The following DCC variants were observed in gnomAD, a reference collection of about 807,000 sequenced individuals.
The protein encoded by DCC is netrin receptor DCC.
DCC carries 58 observed loss-of-function variants against 172.5 expected under a neutral mutation model. The ratio of observed to expected loss-of-function variants is 0.34; its 90% confidence interval spans 0.27 to 0.42. The LOEUF (loss-of-function observed/expected upper bound fraction) is 0.42. DCC is among the 10% of genes least tolerant of loss of function. DCC has a pLI of 1.00. For missense variants in DCC, 1,740 were observed against 1,791.0 expected (o/e 0.97, Z 0.51); for synonymous variants, 709 against 644.5 (o/e 1.10, Z -1.52).
chr18:53,336,440 A>G (rs1277258911), intron 14 of DCC, among the ~76,000 whole-genome samples: 1 of 152,224 alleles, frequency 6.6e-6, no homozygotes, highest in Non-Finnish European at 1.5e-5. Context: ...ATCATGGATT[A>G]TGAACAATCT....
chr18:52,476,260 T>C lies in DCC; in HGVS notation c.91+135382T>C, dbSNP rs142753910. On this transcript the variant is annotated intron_variant, in intron 1 of 28. Transcript: ENST00000442544. ...TTGTCTCTTTTCCCTTTTGTTCTTT[T>C]TCATTTCTGACAGAAACCATTTGAA... Among the ~76,000 whole-genome samples the C allele has an allele frequency of 9.4e-4, 143 of 152,312 alleles. 1 individual carries two copies. Among genetic ancestry groups the C allele is most frequent in the African/African-American group, 3.3e-3 (139 of 41,560 alleles).
At chr18:52,584,605 G>A (rs2033628289) in intron 1 of DCC, among the ~76,000 whole-genome samples, 1 of 152,054 alleles carries the variant, frequency 6.6e-6, no homozygotes, top group African/African-American at 2.4e-5. Flanking sequence ...CTCTTTACTA[G>A]TATTATAACC....
At chr18:53,464,979 C>CAAAAA (rs71179510) in intron 24 of DCC, among the ~76,000 whole-genome samples, 76 of 54,694 alleles carry the variant, frequency 1.4e-3, no homozygotes, top group African/African-American at 3.7e-3. Flanking sequence ...AACTCAATCT[C>CAAAAA]AAAAAAAAAA....
At chr18:52,684,774 G>T (rs993528139) in intron 1 of DCC, among the ~76,000 whole-genome samples, 1 of 152,064 alleles carries the variant, frequency 6.6e-6, no homozygotes, top group African/African-American at 2.4e-5. Flanking sequence ...GCAAGAATTT[G>T]TAAAGGATCT....
chr18:53,530,062 T>C lies in DCC; in HGVS notation c.4255-502T>C, dbSNP rs184204089. Among the ~76,000 whole-genome samples, 558 of 152,302 alleles carry C rather than the reference T, an allele frequency of 3.7e-3. 5 individuals carry two copies. The highest frequency in any genetic ancestry group is 0.012 in the African/African-American group (500 of 41,560). ...TACAAAAAAAAATGTATCTATGTCA[T>C]GATACAGAGAAAAAATATTCTGTTC... On this transcript the variant is annotated intron_variant, in intron 28 of 28. Transcript: ENST00000442544.
intron 5 of DCC, among the ~76,000 whole-genome samples, chr18:53,001,906 A>G (rs1022161076): frequency 6.6e-6 from 1 of 152,136 alleles, no homozygotes; most frequent in Non-Finnish European, 1.5e-5. Context: ...TGTGTTTACA[A>G]CTGAGCAAAT....
intron 12 of DCC, among the ~76,000 whole-genome samples, chr18:53,296,571 G>A (rs190774232): frequency 6.6e-6 from 1 of 152,270 alleles, no homozygotes; most frequent in Admixed American, 6.5e-5. Context: ...AGAGGCTGGG[G>A]CGCCAGTTAG....
intron 8 of DCC, among the ~76,000 whole-genome samples, chr18:53,165,958 A>G (rs369526267): frequency 3.9e-5 from 6 of 152,300 alleles, no homozygotes; most frequent in East Asian, 3.9e-4. Flanking sequence ...AAAGATGACT[A>G]TGACTAGAAA....
At chr18:52,903,739 G>A (rs976869885) in intron 2 of DCC, among the ~76,000 whole-genome samples, 6 of 152,164 alleles carry the variant, frequency 3.9e-5, no homozygotes, top group African/African-American at 1.4e-4. Flanking sequence ...AATCAAATTT[G>A]TGCGAAACTC....
chr18:52,858,231 A>G (rs965123647), intron 2 of DCC, among the ~76,000 whole-genome samples: 13 of 152,210 alleles, frequency 8.5e-5, no homozygotes, highest in African/African-American at 2.9e-4. Context: ...GAAATGGAGT[A>G]TTGCTTTCTC....
chr18:53,347,373 T>C (rs1338325930), intron 15 of DCC, among the ~76,000 whole-genome samples: 1 of 152,186 alleles, frequency 6.6e-6, no homozygotes, highest in Admixed American at 6.5e-5. Context: ...TTTTGTATCT[T>C]GTTTAGAGCC....
chr18:53,044,154 T>C (rs954298424), intron 5 of DCC, among the ~76,000 whole-genome samples: 1 of 151,916 alleles, frequency 6.6e-6, no homozygotes, highest in Non-Finnish European at 1.5e-5. Flanking sequence ...AACAAGATAG[T>C]CTGCTGGGAA....
At chr18:52,726,947 A>T (rs1338117736) in intron 1 of DCC, among the ~76,000 whole-genome samples, 4 of 152,224 alleles carry the variant, frequency 2.6e-5, no homozygotes, top group African/African-American at 7.2e-5. Context: ...GAAAGCTGCC[A>T]GCTTTGGAAA....
intron 1 of DCC, among the ~76,000 whole-genome samples, chr18:52,677,330 A>T (rs1042621936): frequency 2.0e-5 from 3 of 152,184 alleles, no homozygotes; most frequent in African/African-American, 7.2e-5. Context: ...ACAAAAAAAG[A>T]GAAGTGGTTA....
At chr18:53,194,116 G>T (rs1349697942) in intron 9 of DCC, among the ~76,000 whole-genome samples, 1 of 152,142 alleles carries the variant, frequency 6.6e-6, no homozygotes, top group Non-Finnish European at 1.5e-5. Context: ...ATAAGCTGAA[G>T]ACACCTGCCT....
At chr18:53,138,784 C>T (rs752645097) in intron 7 of DCC, among the ~76,000 whole-genome samples, 11 of 152,196 alleles carry the variant, frequency 7.2e-5, no homozygotes, top group Admixed American at 1.3e-4. Context: ...AAAGCTGCTA[C>T]TCTGATAAGC....
At chr18:53,263,047 A>G (rs2056624791) in intron 12 of DCC, among the ~76,000 whole-genome samples, 1 of 152,236 alleles carries the variant, frequency 6.6e-6, no homozygotes, top group Non-Finnish European at 1.5e-5. Flanking sequence ...ATGGGGAACA[A>G]ATATGGCCAT....
intron 1 of DCC, among the ~76,000 whole-genome samples, chr18:52,582,183 G>A (rs1342256766): frequency 6.6e-6 from 1 of 152,098 alleles, no homozygotes; most frequent in Non-Finnish European, 1.5e-5. Flanking sequence ...ATATTCTTCA[G>A]CCCAATTGCC....
At chr18:52,404,769 G>A (rs576112079) in intron 1 of DCC, among the ~76,000 whole-genome samples, 142 of 149,594 alleles carry the variant, frequency 9.5e-4, no homozygotes, top group African/African-American at 3.1e-3. Flanking sequence ...CCACTAACTC[G>A]TCATCTAGCA....
Sources: gnomAD v4.1 joint callset for allele counts (sites outside exome capture counted in the v4.1 genomes callset) on GRCh38, gnomAD v4.1.1 for gene constraint, MANE v1.5 for transcripts, NCBI Gene and HGNC (gene_info 2026-07-23, HGNC 2026-07-21) for gene names.